Variants in PPP2R2B observed in about 807,000 individuals in gnomAD.
PPP2R2B encodes the protein serine/threonine-protein phosphatase 2A 55 kDa regulatory subunit B beta isoform.
In PPP2R2B, 5 loss-of-function variants were observed where a neutral mutation model predicts 46.0. The ratio of observed to expected loss-of-function variants is 0.11; its 90% CI spans 0.06 to 0.23. The LOEUF is 0.23. PPP2R2B is among the 10% of genes least tolerant of loss of function. The probability of loss-of-function intolerance (pLI) is 1.00; values close to 1 mark genes in which losing one functional copy is unlikely to be tolerated. For synonymous variants in PPP2R2B, 215 were observed against 206.7 expected (o/e 1.04, Z -0.34); for missense variants, 367 against 575.0 (o/e 0.64, Z 3.70).
chr5:146,655,863 G>A (rs1306783030), intron 5 of PPP2R2B, among the ~76,000 whole-genome samples: 1 of 150,094 alleles, frequency 6.7e-6, no homozygotes, highest in African/African-American at 2.4e-5. Context: ...ACCAAGCTAG[G>A]CAGGGCTTGA....
intron 2 of PPP2R2B, among the ~76,000 whole-genome samples, chr5:146,724,911 A>T (rs1410874410): frequency 1.3e-5 from 2 of 152,156 alleles, no homozygotes; most frequent in Non-Finnish European, 2.9e-5. Context: ...CAGTTAGGAA[A>T]GGGAGAACAC....
At chr5:146,649,045 A>G (rs1775765985) in intron 6 of PPP2R2B, among the ~76,000 whole-genome samples, 1 of 152,226 alleles carries the variant, frequency 6.6e-6, no homozygotes, top group Non-Finnish European at 1.5e-5. Context: ...TACTGTATAA[A>G]AGAGCAAGAA....
At chr5:146,992,167 C>T (rs1753723620) in intron 1 of PPP2R2B, among the ~76,000 whole-genome samples, 1 of 152,102 alleles carries the variant, frequency 6.6e-6, no homozygotes, top group Admixed American at 6.5e-5. Context: ...TGGCATAAAA[C>T]ACACATACAG....
At chr5:147,074,200 C>T (rs978645788) in intron 2 of PPP2R2B, among the ~76,000 whole-genome samples, 1 of 152,076 alleles carries the variant, frequency 6.6e-6, no homozygotes, top group Non-Finnish European at 1.5e-5. Flanking sequence ...GAAAATTATT[C>T]AGTATCCTGC....
intron 2 of PPP2R2B, among the ~76,000 whole-genome samples, chr5:147,076,578 A>T (rs1464196276): frequency 1.3e-5 from 2 of 152,228 alleles, no homozygotes; most frequent in Non-Finnish European, 2.9e-5. Flanking sequence ...AATAAACATT[A>T]TGTTTTTAAA....
Position 146,586,903 on chromosome 5 carries a change from T to C in PPP2R2B, c.*3044A>G, listed in dbSNP as rs1234566818. The C allele has an allele frequency of 1.3e-5, 2 of 152,198 alleles. No homozygotes were observed. Among genetic ancestry groups the C allele is most frequent in the African/African-American group, 4.8e-5 (2 of 41,454 alleles). 9.4% of individuals were successfully genotyped at this position (152,198 alleles called of 1,614,324 possible). Reference sequence around the variant, plus strand: ...AGAAGAGTACGAATGTCTACCAAAGTTCAGCTTTTTGCATTACTTGTTTTT... The same window carrying C: ...AGAAGAGTACGAATGTCTACCAAAGCTCAGCTTTTTGCATTACTTGTTTTT... On this transcript the variant is annotated 3_prime_UTR_variant, in exon 10 of 10. Coordinates refer to ENST00000394411, the MANE Select transcript of PPP2R2B (RefSeq NM_181675.4).
intron 6 of PPP2R2B, among the ~76,000 whole-genome samples, chr5:146,640,505 C>A (rs1476043200): frequency 6.6e-6 from 1 of 152,188 alleles, no homozygotes; most frequent in Non-Finnish European, 1.5e-5. Context: ...CATGACGTGG[C>A]GTTGGGTAAA....
chr5:146,662,346 G>A (rs2151109638), intron 5 of PPP2R2B, among the ~76,000 whole-genome samples: 1 of 152,270 alleles, frequency 6.6e-6, no homozygotes, highest in South Asian at 2.1e-4. Flanking sequence ...CCAACAGATG[G>A]CAGTAGTAAT....
intron 1 of PPP2R2B, among the ~76,000 whole-genome samples, chr5:147,053,317 A>T (rs1323351410): frequency 6.6e-6 from 1 of 152,116 alleles, no homozygotes; most frequent in Non-Finnish European, 1.5e-5. Flanking sequence ...AAGTTTTCTA[A>T]TTAGGATGGT....
intron 5 of PPP2R2B, among the ~76,000 whole-genome samples, chr5:146,675,978 G>T (rs183322109): frequency 1.3e-5 from 2 of 152,116 alleles, no homozygotes; most frequent in Admixed American, 1.3e-4. Flanking sequence ...GGAGCTGTCA[G>T]GTTCTATGAC....
At chr5:147,046,845 C>T (rs936955786) in intron 1 of PPP2R2B, among the ~76,000 whole-genome samples, 1 of 152,132 alleles carries the variant, frequency 6.6e-6, no homozygotes, top group African/African-American at 2.4e-5. Context: ...TTTTATTAAA[C>T]TTGAGTCTGC....
At chr5:146,854,884 G>C (rs371408368) in intron 2 of PPP2R2B, among the ~76,000 whole-genome samples, 157 of 152,252 alleles carry the variant, frequency 1.0e-3, no homozygotes, top group African/African-American at 3.4e-3. Context: ...CTTAAAATTT[G>C]GACTCTGAAC....
At chr5:146,709,660 C>T (rs933980109) in intron 2 of PPP2R2B, among the ~76,000 whole-genome samples, 2 of 152,160 alleles carry the variant, frequency 1.3e-5, no homozygotes, top group East Asian at 1.9e-4. Context: ...GTTCATAATA[C>T]GTGGGGCTGT....
intron 2 of PPP2R2B, among the ~76,000 whole-genome samples, chr5:146,788,706 C>G (rs1756003679): frequency 6.6e-6 from 1 of 152,194 alleles, no homozygotes; most frequent in Non-Finnish European, 1.5e-5. Flanking sequence ...GCATTTCAGC[C>G]TGGGTGACAG....
rs150574354 is a variant in PPP2R2B, at chr5:146,749,568, G to T, written c.71-48426C>A. Among the ~76,000 whole-genome samples, 222 of 150,566 alleles carry T rather than the reference G, an allele frequency of 1.5e-3. 2 individuals are homozygous for T. The highest frequency in any genetic ancestry group is 2.5e-3 in the Non-Finnish European group (167 of 67,766). On this transcript the variant is annotated intron_variant, in intron 2 of 9. Coordinates refer to ENST00000394411, the MANE Select transcript of PPP2R2B (RefSeq NM_181675.4). ...ATATAGCATAAGAACTCTTTGCTTA[G>T]CCTAGATCCTGAAGATTTCCTTTTT... is the stretch of plus-strand genomic sequence containing the variant.
intron 5 of PPP2R2B, among the ~76,000 whole-genome samples, chr5:146,652,373 A>G (rs1315723854): frequency 1.3e-5 from 2 of 152,196 alleles, no homozygotes; most frequent in East Asian, 1.9e-4. Context: ...ACTGAGTGCC[A>G]CACAAAGTCC....
chr5:146,642,487 G>A (rs1214533664), intron 6 of PPP2R2B, among the ~76,000 whole-genome samples: 1 of 152,152 alleles, frequency 6.6e-6, no homozygotes, highest in Non-Finnish European at 1.5e-5. Flanking sequence ...TAAATATACA[G>A]AACAAGGAAG....
chr5:146,855,830 C>T (rs1012520845), intron 2 of PPP2R2B, among the ~76,000 whole-genome samples: 2 of 152,086 alleles, frequency 1.3e-5, no homozygotes, highest in South Asian at 2.1e-4. Context: ...CACACTGTAT[C>T]GAGAAATGAA....
At chr5:146,642,838 T>C (rs1017630348) in intron 6 of PPP2R2B, among the ~76,000 whole-genome samples, 2 of 152,176 alleles carry the variant, frequency 1.3e-5, no homozygotes, top group African/African-American at 4.8e-5. Flanking sequence ...GCGTGGATCA[T>C]TTGAGCCTGG....
Sources: allele counts gnomAD v4.1 joint callset (sites outside exome capture counted in the v4.1 genomes callset), GRCh38; gene constraint gnomAD v4.1.1; transcripts MANE v1.5; gene names NCBI Gene and HGNC (gene_info 2026-07-23, HGNC 2026-07-21).